The following NKAIN2 variants were observed in gnomAD, a reference collection of about 807,000 sequenced individuals.
NKAIN2 encodes sodium/potassium-transporting ATPase subunit beta-1-interacting protein 2.
NKAIN2 carries 14 observed loss-of-function variants against 32.6 expected under a neutral mutation model. The ratio of observed to expected loss-of-function variants is 0.43; its 90% confidence interval spans 0.28 to 0.67. NKAIN2 has a LOEUF of 0.67. NKAIN2 is among the 30% of genes least tolerant of loss of function. The pLI, the probability that NKAIN2 is intolerant of heterozygous loss-of-function variation, is 0.17. For synonymous variants in NKAIN2, 80 were observed against 87.2 expected (o/e 0.92, Z 0.46); for missense variants, 198 against 258.3 (o/e 0.77, Z 1.60).
chr6:124,672,614 TTATAA>T (rs1773160801), intron 4 of NKAIN2, among the ~76,000 whole-genome samples: 3 of 152,096 alleles, frequency 2.0e-5, no homozygotes, highest in Admixed American at 6.6e-5. Flanking sequence ...TCATGAATAT[TTATAA>T]TATATCAGAT....
intron 4 of NKAIN2, among the ~76,000 whole-genome samples, chr6:124,699,538 G>A (rs1774667174): frequency 6.6e-6 from 1 of 152,122 alleles, no homozygotes; most frequent in African/African-American, 2.4e-5. Flanking sequence ...CTCATAAATG[G>A]TTTAGTGCCA....
intron 1 of NKAIN2, among the ~76,000 whole-genome samples, chr6:124,136,380 A>G (rs1178999211): frequency 6.6e-6 from 1 of 152,104 alleles, no homozygotes; most frequent in African/African-American, 2.4e-5. Flanking sequence ...AAAGTTGCCA[A>G]CAAAAAAGTC....
intron 4 of NKAIN2, among the ~76,000 whole-genome samples, chr6:124,753,281 A>G (rs1314227702): frequency 6.6e-6 from 1 of 152,128 alleles, no homozygotes. Flanking sequence ...CTCTTTCTGA[A>G]TGAAAGATGC....
intron 1 of NKAIN2, among the ~76,000 whole-genome samples, chr6:124,026,802 A>G (rs1781133659): frequency 6.6e-6 from 1 of 152,054 alleles, no homozygotes; most frequent in Non-Finnish European, 1.5e-5. Context: ...CATGTTAGCT[A>G]TCACTCCTTG....
intron 1 of NKAIN2, among the ~76,000 whole-genome samples, chr6:124,107,129 G>A (rs1246734384): frequency 1.3e-5 from 2 of 152,106 alleles, no homozygotes; most frequent in East Asian, 3.9e-4. Context: ...AGAGCAGAGG[G>A]AACAAGTGCA....
intron 1 of NKAIN2, among the ~76,000 whole-genome samples, chr6:124,047,235 T>C (rs1782182057): frequency 6.6e-6 from 1 of 152,040 alleles, no homozygotes; most frequent in Non-Finnish European, 1.5e-5. Flanking sequence ...TTTGACTGCA[T>C]TGTCCAATCT....
Position 124,747,364 on chromosome 6 carries a change from T to C in NKAIN2, c.475-43975T>C, listed in dbSNP as rs187695883. On this transcript the variant is annotated intron_variant, in intron 4 of 6. Coordinates refer to ENST00000368417, the MANE Select transcript of NKAIN2 (RefSeq NM_001040214.3). ...TTAATCAGAAAACACTGTTTTTCCA[T>C]GATTTGGGGGATTCCTCTAGTAATG... Among the ~76,000 whole-genome samples the C allele has an allele frequency of 2.6e-5, 4 of 151,988 alleles. No individual in the cohort carries two copies. The East Asian group carries it at 7.8e-4, about 30-fold the overall frequency.
intron 5 of NKAIN2, among the ~76,000 whole-genome samples, chr6:124,798,287 G>T (rs982758480): frequency 6.6e-6 from 1 of 152,108 alleles, no homozygotes. Flanking sequence ...ATTGTGAGAA[G>T]AATATGTTTA....
At chr6:123,858,424 T>G (rs1365978762) in intron 1 of NKAIN2, among the ~76,000 whole-genome samples, 2 of 152,196 alleles carry the variant, frequency 1.3e-5, no homozygotes, top group Non-Finnish European at 2.9e-5. Flanking sequence ...CCTCTAACAT[T>G]GTCTTTTTAA....
At chr6:123,840,241 C>T (rs766252976) in intron 1 of NKAIN2, among the ~76,000 whole-genome samples, 20 of 151,804 alleles carry the variant, frequency 1.3e-4, no homozygotes, top group East Asian at 5.8e-4. Flanking sequence ...CTGTATTCTT[C>T]GTATATGATT....
chr6:123,811,195 A>G (rs1773448402), intron 1 of NKAIN2, among the ~76,000 whole-genome samples: 1 of 152,178 alleles, frequency 6.6e-6, no homozygotes, highest in Non-Finnish European at 1.5e-5. Flanking sequence ...ACTTTTCTTC[A>G]GGACCTATTT....
chr6:124,268,642 A>G lies in NKAIN2; in HGVS notation c.55-14363A>G, dbSNP rs534743136. Among the ~76,000 whole-genome samples, 4 of 152,146 alleles carry G rather than the reference A, an allele frequency of 2.6e-5. No homozygotes were observed. In the East Asian group the frequency reaches 7.7e-4, roughly 29 times the overall value. ...AATGATATGATGAGTTCATGGAACTAGAAAAATCATACTTCAAAGCAAAAT... is the reference window on the plus strand; with the variant it reads ...AATGATATGATGAGTTCATGGAACTGGAAAAATCATACTTCAAAGCAAAAT... On this transcript the variant is annotated intron_variant, in intron 1 of 6. Coordinates refer to ENST00000368417, the MANE Select transcript of NKAIN2 (RefSeq NM_001040214.3).
At chr6:124,005,081 C>T (rs2114721229) in intron 1 of NKAIN2, among the ~76,000 whole-genome samples, 1 of 151,824 alleles carries the variant, frequency 6.6e-6, no homozygotes, top group South Asian at 2.1e-4. Flanking sequence ...AAAAATTAGC[C>T]ACACGTGGTG....
intron 3 of NKAIN2, among the ~76,000 whole-genome samples, chr6:124,478,085 T>C (rs1404203917): frequency 6.6e-6 from 1 of 151,876 alleles, no homozygotes; most frequent in Non-Finnish European, 1.5e-5. Flanking sequence ...AAAGGAGAAA[T>C]ACTAACCAAG....
At chr6:124,229,339 A>T (rs1473112015) in intron 1 of NKAIN2, among the ~76,000 whole-genome samples, 4 of 152,204 alleles carry the variant, frequency 2.6e-5, no homozygotes. Context: ...AGCCATGAAG[A>T]TATATGGACT....
At chr6:124,084,034 G>C (rs2114913306) in intron 1 of NKAIN2, among the ~76,000 whole-genome samples, 1 of 152,090 alleles carries the variant, frequency 6.6e-6, no homozygotes, top group South Asian at 2.1e-4. Flanking sequence ...TTGCTAGCTA[G>C]GTAGCATAGT....
At chr6:124,588,007 G>A (rs1562271399) in intron 3 of NKAIN2, among the ~76,000 whole-genome samples, 1 of 149,582 alleles carries the variant, frequency 6.7e-6, no homozygotes, top group East Asian at 1.9e-4. Flanking sequence ...TCATTTTTCT[G>A]CAAGAAATCA....
intron 1 of NKAIN2, among the ~76,000 whole-genome samples, chr6:123,921,289 C>A (rs1775739449): frequency 6.6e-6 from 1 of 152,108 alleles, no homozygotes; most frequent in Non-Finnish European, 1.5e-5. Context: ...CGTTGTCGAA[C>A]AATTATAATT....
intron 3 of NKAIN2, among the ~76,000 whole-genome samples, chr6:124,515,997 T>A (rs957994007): frequency 6.6e-6 from 1 of 152,144 alleles, no homozygotes; most frequent in Non-Finnish European, 1.5e-5. Flanking sequence ...TTCATAGTTA[T>A]GCGATGATTT....
Sources: gnomAD v4.1 joint callset for allele counts (sites outside exome capture counted in the v4.1 genomes callset) on GRCh38, gnomAD v4.1.1 for gene constraint, MANE v1.5 for transcripts, NCBI Gene and HGNC (gene_info 2026-07-23, HGNC 2026-07-21) for gene names.